CCDC91: variants seen among roughly 807,000 people sequenced by gnomAD.
CCDC91 encodes coiled-coil domain containing 91, also known as coiled-coil domain-containing protein 91.
In CCDC91, 48 loss-of-function variants were observed where a neutral mutation model predicts 63.2. The ratio of observed to expected loss-of-function variants is 0.76; its 90% CI spans 0.60 to 0.97. The LOEUF (loss-of-function observed/expected upper bound fraction) is 0.97. Ranked by LOEUF, CCDC91 falls within the 50% of genes least tolerant of loss-of-function variation. The pLI, the probability that CCDC91 is intolerant of heterozygous loss-of-function variation, is 0.00. For synonymous variants in CCDC91, 167 were observed against 165.8 expected (o/e 1.01, Z -0.06); for missense variants, 500 against 494.6 (o/e 1.01, Z -0.10).
intron 1 of CCDC91, among the ~76,000 whole-genome samples, chr12:28,211,411 G>A (rs1943224237): frequency 6.6e-6 from 1 of 152,040 alleles, no homozygotes; most frequent in African/African-American, 2.4e-5. Flanking sequence ...ATAGACATTA[G>A]CGAGTCTGCC....
In CCDC91 at chr12:28,257,162, G is replaced by C. The variant is rs1946510823; in HGVS notation, c.-14-40G>C. ...GGAGAGTATTTTGACATAAATGACT[G>C]TGTGTGTGCGGGCTTGTTTCAATAT... On this transcript the variant is annotated intron_variant, in intron 1 of 12. Transcript: ENST00000536442. 9.2e-6 allele frequency: 11 copies of C among 1,195,252 alleles called. No homozygotes were observed. In the Admixed American group the frequency reaches 1.9e-4, roughly 21 times the overall value. 74.0% of individuals were successfully genotyped at this position (1,195,252 alleles called of 1,614,324 possible). A position where few individuals can be genotyped will look rare whatever the true frequency, so the allele number is the denominator to read the frequency against.
At chr12:28,198,835 T>C (rs1223499439) in intron 1 of CCDC91, 1 of 152,056 alleles carries the variant, frequency 6.6e-6, no homozygotes, top group Admixed American at 6.6e-5. Flanking sequence ...ATTTTTTTCA[T>C]TCCTTAATTA....
intron 12 of CCDC91, among the ~76,000 whole-genome samples, chr12:28,509,981 C>T (rs1273945906): frequency 6.6e-6 from 1 of 151,818 alleles, no homozygotes; most frequent in African/African-American, 2.4e-5. Flanking sequence ...AGTTATCATC[C>T]TTGAACTCTT....
At chr12:28,394,384 T>G (rs1195216712) in intron 8 of CCDC91, among the ~76,000 whole-genome samples, 1 of 151,776 alleles carries the variant, frequency 6.6e-6, no homozygotes, top group Non-Finnish European at 1.5e-5. Context: ...GAGAATGGCG[T>G]GAACCTGGGA....
chr12:28,234,978 G>A (rs994845192), intron 1 of CCDC91, among the ~76,000 whole-genome samples: 1 of 152,054 alleles, frequency 6.6e-6, no homozygotes, highest in Non-Finnish European at 1.5e-5. Context: ...TGATTTTGCT[G>A]GTCTTTGCAT....
intron 8 of CCDC91, among the ~76,000 whole-genome samples, chr12:28,436,712 C>T (rs992025595): frequency 6.6e-6 from 1 of 151,624 alleles, no homozygotes; most frequent in African/African-American, 2.4e-5. Flanking sequence ...CTGTATTTAT[C>T]CTTCACTTTT....
chr12:28,301,441 A>G (rs1217938513), intron 3 of CCDC91, among the ~76,000 whole-genome samples: 1 of 151,362 alleles, frequency 6.6e-6, no homozygotes, highest in Non-Finnish European at 1.5e-5. Context: ...TATCATTTTA[A>G]TATGGTGCTG....
Position 28,479,005 on chromosome 12 carries a change from A to G in CCDC91, c.1102-5047A>G, listed in dbSNP as rs528600359. 8.5e-5 allele frequency among the ~76,000 whole-genome samples: 13 copies of G among 152,238 alleles called. No individual in the cohort carries two copies. The South Asian group carries it at 2.7e-3, about 32-fold the overall frequency. On this transcript the variant is annotated intron_variant, in intron 11 of 12. Transcript: ENST00000536442. Reference sequence around the variant, plus strand: ...TGTGGAGAAATAGGAACACTTTTACACTGTTGGTGGGACTGTAAATTAGTT... The same window carrying G: ...TGTGGAGAAATAGGAACACTTTTACGCTGTTGGTGGGACTGTAAATTAGTT...
At chr12:28,209,822 T>C (rs938317066) in intron 1 of CCDC91, among the ~76,000 whole-genome samples, 1 of 140,416 alleles carries the variant, frequency 7.1e-6, no homozygotes, top group Non-Finnish European at 1.6e-5. Flanking sequence ...TTTGCAAAAA[T>C]TTACATCCCA....
intron 8 of CCDC91, among the ~76,000 whole-genome samples, chr12:28,409,671 A>T (rs757164996): frequency 2.0e-5 from 3 of 152,132 alleles, no homozygotes; most frequent in African/African-American, 7.2e-5. Context: ...TAAAATGTAG[A>T]TATTTAATGA....
intron 8 of CCDC91, among the ~76,000 whole-genome samples, chr12:28,413,370 C>A (rs909842587): frequency 6.6e-6 from 1 of 151,558 alleles, no homozygotes; most frequent in Non-Finnish European, 1.5e-5. Context: ...CTGCTTCTTG[C>A]CTCTTCTCCC....
chr12:28,462,885 A>G (rs1420040548), intron 11 of CCDC91, among the ~76,000 whole-genome samples: 4 of 152,142 alleles, frequency 2.6e-5, no homozygotes, highest in African/African-American at 9.6e-5. Flanking sequence ...GCATTTCAGG[A>G]AAGGCTCCTA....
At chr12:28,279,462 T>G (rs1338937355) in intron 3 of CCDC91, among the ~76,000 whole-genome samples, 1 of 152,108 alleles carries the variant, frequency 6.6e-6, no homozygotes, top group Non-Finnish European at 1.5e-5. Flanking sequence ...CTTACTGGCC[T>G]AGATTTTGAT....
At chr12:28,475,437 A>G (rs1417980359) in intron 11 of CCDC91, among the ~76,000 whole-genome samples, 1 of 152,068 alleles carries the variant, frequency 6.6e-6, no homozygotes, top group Non-Finnish European at 1.5e-5. Context: ...GCTACATGGT[A>G]CTGTATATCT....
chr12:28,439,553 G>C (rs1164092693), intron 8 of CCDC91, among the ~76,000 whole-genome samples: 1 of 152,068 alleles, frequency 6.6e-6, no homozygotes, highest in Non-Finnish European at 1.5e-5. Flanking sequence ...ACAAAATAAT[G>C]TGAAGTTTGT....
intron 3 of CCDC91, among the ~76,000 whole-genome samples, chr12:28,294,514 G>A (rs2136869854): frequency 6.6e-6 from 1 of 151,886 alleles, no homozygotes; most frequent in Non-Finnish European, 1.5e-5. Context: ...CTTCCCCTTT[G>A]CCTTCTGCTG....
intron 6 of CCDC91, among the ~76,000 whole-genome samples, chr12:28,348,809 T>A (rs1942991523): frequency 6.6e-6 from 1 of 152,082 alleles, no homozygotes. Flanking sequence ...CTGCAACCTC[T>A]GCCTCCCAGG....
intron 8 of CCDC91, among the ~76,000 whole-genome samples, chr12:28,449,540 A>G (rs924080101): frequency 6.6e-6 from 1 of 152,010 alleles, no homozygotes; most frequent in Non-Finnish European, 1.5e-5. Flanking sequence ...TAACTGGTTG[A>G]TAGTTATGTG....
chr12:28,342,810 T>A (rs1942530378), intron 6 of CCDC91, among the ~76,000 whole-genome samples: 1 of 152,144 alleles, frequency 6.6e-6, no homozygotes, highest in Admixed American at 6.6e-5. Context: ...TAGGCATATG[T>A]GGAAAGGCAT....
Sources: allele counts gnomAD v4.1 joint callset (sites outside exome capture counted in the v4.1 genomes callset), GRCh38; gene constraint gnomAD v4.1.1; transcripts MANE v1.5; gene names NCBI Gene and HGNC (gene_info 2026-07-23, HGNC 2026-07-21).